The following SYNGR1 variants were observed in gnomAD, a reference collection of about 807,000 sequenced individuals.
SYNGR1 encodes synaptogyrin 1, also known as synaptogyrin-1.
A neutral mutation model predicts 26.1 loss-of-function variants in SYNGR1; 14 were observed. That is an observed-to-expected ratio of 0.54 (90% CI 0.35 to 0.84). The LOEUF (loss-of-function observed/expected upper bound fraction) is 0.84. Ranked by LOEUF, SYNGR1 falls within the 40% of genes least tolerant of loss-of-function variation. SYNGR1 has a pLI of 0.01. For missense variants in SYNGR1, 319 were observed against 332.9 expected (o/e 0.96, Z 0.33); for synonymous variants, 141 against 150.1 (o/e 0.94, Z 0.44).
chr22:39,356,845 A>G (rs1333700648), intron 1 of SYNGR1, among the ~76,000 whole-genome samples: 1 of 152,150 alleles, frequency 6.6e-6, no homozygotes, highest in African/African-American at 2.4e-5. Context: ...CCATCTATCA[A>G]ATGGGAAAAG....
chr22:39,364,267 G>C (rs368937127), intron 1 of SYNGR1: 2 of 1,613,984 alleles, frequency 1.2e-6, no homozygotes, highest in African/African-American at 2.7e-5. Context: ...GAGGTCGTGG[G>C]TGAGCTGGAG....
rs148533902 is a variant in SYNGR1 at position 39,381,103 on chromosome 22, C to T, written c.484-593C>T. Reference sequence around the variant, plus strand: ...GTTGTGGGATTACAGGCATGAGCCGCGGTGCATGGCCCCCAGGCATCTTTC... The same window carrying T: ...GTTGTGGGATTACAGGCATGAGCCGTGGTGCATGGCCCCCAGGCATCTTTC... On this transcript the variant is annotated intron_variant, in intron 3 of 3. Transcript: ENST00000328933. Among the ~76,000 whole-genome samples, 596 of 152,248 alleles carry T rather than the reference C, an allele frequency of 3.9e-3. 6 individuals are homozygous for T. The highest frequency in any genetic ancestry group is 0.011 in the African/African-American group (455 of 41,548).
At chr22:39,371,470 C>G (rs1319891113) in intron 1 of SYNGR1, among the ~76,000 whole-genome samples, 1 of 108,612 alleles carries the variant, frequency 9.2e-6, no homozygotes, top group Non-Finnish European at 1.9e-5. Flanking sequence ...GAGCGAAAGT[C>G]CATCTCAAAA....
chr22:39,381,290 G>C (rs1925490242), intron 3 of SYNGR1, among the ~76,000 whole-genome samples: 2 of 152,210 alleles, frequency 1.3e-5, no homozygotes, highest in Non-Finnish European at 2.9e-5. Flanking sequence ...AGCTGCAAGA[G>C]AGACAAAAGA....
rs151331664 is a variant in SYNGR1 at position 39,373,246 on chromosome 22, G to A, written c.100-1070G>A. Among the ~76,000 whole-genome samples the A allele has an allele frequency of 7.5e-3, 1,131 of 150,070 alleles. 21 individuals are homozygous for A. Among genetic ancestry groups the A allele is most frequent in the African/African-American group, 0.026 (1,071 of 40,660 alleles). On this transcript the variant is annotated intron_variant, in intron 1 of 3. Transcript: ENST00000328933. ...TGCAGTGGCTTAATCTTGGCTCACT[G>A]CAACCTCCACCTCCCAGGTTCAAGT...
At position 39,378,313 on chromosome 22, in the gene SYNGR1, A is replaced by G. The variant is rs138632354; in HGVS notation, c.483+2116A>G. The stretch of plus-strand genomic sequence containing the variant: ...CCAACCTCTCAAGGCTGTTGTGCCA[A>G]TGAAACAAAGGCCAGCCCAGGGCTT... On this transcript the variant is annotated intron_variant, in intron 3 of 3. Transcript: ENST00000328933. 74 of 968,846 alleles carry G rather than the reference A, an allele frequency of 7.6e-5. 1 individual carries two copies. Among genetic ancestry groups the G allele is most frequent in the East Asian group, 1.1e-4 (1 of 9,184 alleles). 60.0% of individuals were successfully genotyped at this position (968,846 alleles called of 1,614,324 possible).
At position 39,382,415 on chromosome 22, in the gene SYNGR1, G is replaced by A. The variant is rs375452155; in HGVS notation, c.*501G>A. On this transcript the variant is annotated 3_prime_UTR_variant, in exon 4 of 4. Transcript: ENST00000328933. ...ACACTGGGGGCTGTCACCCTGCTCT[G>A]GCAGTCCTGCTAAGAGTGTCAGGGC... 2.1e-5 allele frequency: 4 copies of A among 192,180 alleles called. No individual in the cohort carries two copies. The highest frequency in any genetic ancestry group is 3.3e-5 in the Non-Finnish European group (3 of 91,258). The allele number at this position is 192,180 out of a possible 1,614,324, so 11.9% of individuals were successfully genotyped here.
intron 3 of SYNGR1, chr22:39,377,283 A>T (rs1925325900): frequency 1.0e-6 from 1 of 985,206 alleles, no homozygotes; most frequent in Admixed American, 6.2e-5. Context: ...TAGCATTTGG[A>T]GGGGGAGACC....
chr22:39,383,272 C>T lies in SYNGR1; in HGVS notation c.*1358C>T, dbSNP rs1366422981. 6.6e-6 allele frequency: 1 copy of T among 152,426 alleles called. No homozygotes were observed. Among genetic ancestry groups the T allele is most frequent in the Non-Finnish European group, 1.5e-5 (1 of 68,136 alleles). The allele number at this position is 152,426 out of a possible 1,614,324, so 9.4% of individuals were successfully genotyped here. A position where few individuals can be genotyped will look rare whatever the true frequency, so the allele number is the denominator to read the frequency against. On this transcript the variant is annotated 3_prime_UTR_variant, in exon 4 of 4. Transcript: ENST00000328933. ...AGGGCTTTGGAATCAGCCAGGTCGG[C>T]TCCTGGGCTGTGGCCGTGGAGAGAC...
intron 1 of SYNGR1, among the ~76,000 whole-genome samples, chr22:39,362,742 G>C (rs932987904): frequency 6.6e-6 from 1 of 152,116 alleles, no homozygotes; most frequent in Non-Finnish European, 1.5e-5. Flanking sequence ...CCTTTTCAGG[G>C]AGTGAGCTCC....
rs778231606 is a variant in SYNGR1 at position 39,374,448 on chromosome 22, G to A, written c.232G>A (p.Ala78Thr). 31 of 1,613,808 alleles carry A rather than the reference G, an allele frequency of 1.9e-5. No homozygotes were observed. Among genetic ancestry groups the A allele is most frequent in the South Asian group, 9.9e-5 (9 of 91,084 alleles). The change falls in exon 2 of 4, where the codon GCC (alanine) becomes ACC (threonine). Residue 78 changes from alanine to threonine, a missense_variant. Ala to Thr is a moderately conservative substitution (Grantham distance 58). Transcript: ENST00000328933. ...CSYGVAVGVL[A>T]FLTCLLYLAL... The stretch of plus-strand genomic sequence containing the variant: ...CTATGGCGTGGCCGTGGGCGTGCTC[G>A]CCTTCCTCACCTGCCTGCTGTACCT...
chr22:39,371,791 C>T lies in SYNGR1; in HGVS notation c.100-2525C>T, dbSNP rs553030073. 3.9e-5 allele frequency among the ~76,000 whole-genome samples: 6 copies of T among 152,104 alleles called. No homozygotes were observed. In the South Asian group the frequency reaches 8.3e-4, roughly 21 times the overall value. ...TGAGACACCATGCCCAGCCAAAAAG[C>T]GTGAACTTTAGAGTCAGGTACCCTG... On this transcript the variant is annotated intron_variant, in intron 1 of 3. Coordinates refer to ENST00000328933, the MANE Select transcript of SYNGR1 (RefSeq NM_004711.5).
intron 1 of SYNGR1, among the ~76,000 whole-genome samples, chr22:39,372,438 CTTTTTTTTTTTTTT>C (rs767314185): frequency 2.2e-4 from 12 of 54,650 alleles, no homozygotes; most frequent in Non-Finnish European, 3.9e-4. Context: ...ACGCCCAGCT[CTTTTTTTTTTTTTT>C]TTTTTTTTTT....
chr22:39,364,034 C>T (rs995389645), intron 1 of SYNGR1: 2 of 1,202,522 alleles, frequency 1.7e-6, no homozygotes, highest in South Asian at 1.4e-5. Flanking sequence ...CACAGCTCGC[C>T]CTGAGCCTTC....
intron 3 of SYNGR1, chr22:39,377,064 A>C: frequency 6.4e-7 from 1 of 1,550,586 alleles, no homozygotes; most frequent in East Asian, 2.4e-5. Context: ...AGCCCTCCCC[A>C]TAACCCACAG....
intron 3 of SYNGR1, chr22:39,377,716 A>G: frequency 6.2e-7 from 1 of 1,610,448 alleles, no homozygotes; most frequent in Non-Finnish European, 8.5e-7. Context: ...AGAGGCCGGC[A>G]GCCCTGTATC....
At chr22:39,378,157 G>C (rs1925373636) in intron 3 of SYNGR1, 1 of 1,120,138 alleles carries the variant, frequency 8.9e-7, no homozygotes. Flanking sequence ...TGTCCTTAGG[G>C]TTAGCATCCT....
intron 1 of SYNGR1, among the ~76,000 whole-genome samples, chr22:39,356,420 T>G (rs759627101): frequency 1.3e-5 from 2 of 152,038 alleles, no homozygotes; most frequent in Non-Finnish European, 2.9e-5. Context: ...CCTCCTTAGA[T>G]GAAAAGCTGA....
In SYNGR1 at chr22:39,350,060, C is replaced by T; in HGVS notation, c.50C>T (p.Pro17Leu). ...GAGKAGGAFD[P>L]YTLVRQPHTI... ...GGCAAAGCCGGGGGCGCCTTCGACC[C>T]CTACACCCTGGTCCGGCAGCCGCAC... Residue 17 changes from proline to leucine, a missense_variant, in exon 1 of 4, where the codon CCC becomes CTC. Transcript: ENST00000328933. This position sits in a 1 kb window ranked among gnomAD's most constrained non-coding sequence, Gnocchi z 4.3. The T allele has an allele frequency of 1.4e-6, 2 of 1,459,838 alleles. No individual in the cohort carries two copies. Among genetic ancestry groups the T allele is most frequent in the Non-Finnish European group, 1.8e-6 (2 of 1,092,194 alleles). 90.4% of individuals were successfully genotyped at this position (1,459,838 alleles called of 1,614,324 possible).
Sources: allele counts gnomAD v4.1 joint callset (sites outside exome capture counted in the v4.1 genomes callset), GRCh38; gene constraint gnomAD v4.1.1; non-coding constraint Gnocchi (gnomAD v3.1); transcripts MANE v1.5; gene names NCBI Gene and HGNC (gene_info 2026-07-23, HGNC 2026-07-21).